The following VPS13B variants were observed in gnomAD, a reference collection of about 807,000 sequenced individuals.
VPS13B encodes vacuolar protein sorting 13 homolog B.
In VPS13B, 285 loss-of-function variants were observed where a neutral mutation model predicts 426.4. That is an observed-to-expected ratio of 0.67 (90% CI 0.61 to 0.74). VPS13B has a LOEUF of 0.74. VPS13B is among the 30% of genes least tolerant of loss of function. The pLI is 0.00. For missense variants in VPS13B, 4,537 were observed against 4,782.6 expected (o/e 0.95, Z 1.51); for synonymous variants, 1,676 against 1,676.4 (o/e 1.00, Z 0.01).
At chr8:99,270,798 G>C (rs927329921) in intron 17 of VPS13B, among the ~76,000 whole-genome samples, 1 of 151,962 alleles carries the variant, frequency 6.6e-6, no homozygotes, top group Admixed American at 6.6e-5. Flanking sequence ...AGAGCCAGGG[G>C]AGGGAAGGCT....
chr8:99,650,354 T>C (rs745461437), intron 34 of VPS13B, among the ~76,000 whole-genome samples: 10 of 152,302 alleles, frequency 6.6e-5, no homozygotes, highest in Middle Eastern at 3.4e-3. Context: ...TCATATACTA[T>C]CAAATCAAGT....
intron 31 of VPS13B, among the ~76,000 whole-genome samples, chr8:99,563,783 T>G (rs1825052902): frequency 6.6e-6 from 1 of 152,176 alleles, no homozygotes; most frequent in Non-Finnish European, 1.5e-5. Context: ...AGAGTGATGA[T>G]TAAGTAGGGC....
intron 55 of VPS13B, among the ~76,000 whole-genome samples, chr8:99,850,017 A>G (rs887018452): frequency 1.8e-5 from 1 of 54,454 alleles, no homozygotes; most frequent in Non-Finnish European, 3.5e-5. Context: ...ACTTATACAT[A>G]CCTACATAAG....
Position 99,695,301 on chromosome 8 carries a change from A to T in VPS13B, c.6047-4224A>T, listed in dbSNP as rs1433052384. ...TAGCAAAGACTTGGAACCAACCCAA[A>T]TGTCCAACAACGATAGACTGGATTA... On this transcript the variant is annotated intron_variant, in intron 35 of 61. Coordinates refer to ENST00000357162, the MANE Select transcript of VPS13B (RefSeq NM_152564.5). 2.6e-4 allele frequency among the ~76,000 whole-genome samples: 38 copies of T among 148,698 alleles called. 1 individual carries two copies.
chr8:99,348,144 TA>T (rs777945257), intron 19 of VPS13B: 4 of 152,270 alleles, frequency 2.6e-5, no homozygotes, highest in Non-Finnish European at 5.9e-5. Flanking sequence ...AATCATTCGT[TA>T]ACACTGTTAA....
At chr8:99,377,180 G>A (rs1259727594) in intron 19 of VPS13B, among the ~76,000 whole-genome samples, 1 of 151,126 alleles carries the variant, frequency 6.6e-6, no homozygotes, top group African/African-American at 2.4e-5. Context: ...ATCCAGTTTA[G>A]GGTTTATTGG....
chr8:99,573,469 T>G (rs994454301), intron 31 of VPS13B, among the ~76,000 whole-genome samples: 1 of 152,210 alleles, frequency 6.6e-6, no homozygotes, highest in African/African-American at 2.4e-5. Flanking sequence ...CTTGAATTAA[T>G]TTTTGTATAA....
Position 99,651,835 on chromosome 8 carries a change from G to A in VPS13B, c.5908+9337G>A, listed in dbSNP as rs538898314. ...AAATGGCTGTGCCATCTGGTCAAATGTGAAGGGATTGAACAGTTCTGAGGG... is the reference window on the plus strand; with the variant it reads ...AAATGGCTGTGCCATCTGGTCAAATATGAAGGGATTGAACAGTTCTGAGGG... On this transcript the variant is annotated intron_variant, in intron 34 of 61. Transcript: ENST00000357162. Among the ~76,000 whole-genome samples, 5 of 152,236 alleles carry A rather than the reference G, an allele frequency of 3.3e-5. No homozygotes were observed. In the East Asian group the frequency reaches 7.7e-4, roughly 23 times the overall value.
chr8:99,373,129 A>G (rs1457388774), intron 19 of VPS13B, among the ~76,000 whole-genome samples: 4 of 152,184 alleles, frequency 2.6e-5, no homozygotes, highest in African/African-American at 7.2e-5. Flanking sequence ...ACACATGGAC[A>G]TGGAGGACAA....
At chr8:99,700,596 C>T (rs1832226396) in intron 36 of VPS13B, among the ~76,000 whole-genome samples, 1 of 152,232 alleles carries the variant, frequency 6.6e-6, no homozygotes, top group Non-Finnish European at 1.5e-5. Flanking sequence ...CCTAGCCTAG[C>T]AAAGTGGGGT....
rs1297641779 is a variant in VPS13B at position 99,817,712 on chromosome 8, C to T, written c.8270C>T (p.Thr2757Met). The T allele has an allele frequency of 8.7e-6, 14 of 1,614,014 alleles. No homozygotes were observed. The East Asian group carries it at 1.1e-4, about 13-fold the overall frequency. Residue 2757 changes from threonine (T) to methionine (M), a missense_variant, in exon 45 of 62, where the codon ACG (threonine) becomes ATG (methionine). Thr to Met is a moderately conservative substitution (Grantham distance 81, BLOSUM62 -1). Transcript: ENST00000357162. The part of the protein sequence containing the change: ...PSYILENNEL[T>M]ELCVKAKGDE... ...TACATACTAGAAAACAATGAACTGACGGAGCTGTGTGTGAAGGCCAAAGGA... is the reference window on the plus strand; with the variant it reads ...TACATACTAGAAAACAATGAACTGATGGAGCTGTGTGTGAAGGCCAAAGGA...
At chr8:99,189,351 A>C (rs1013120968) in intron 16 of VPS13B, among the ~76,000 whole-genome samples, 1 of 152,184 alleles carries the variant, frequency 6.6e-6, no homozygotes, top group Non-Finnish European at 1.5e-5. Context: ...AAGTCTGGGA[A>C]ATTCTGGAGA....
chr8:99,051,931 A>C (rs935510405), intron 3 of VPS13B, among the ~76,000 whole-genome samples: 9 of 152,072 alleles, frequency 5.9e-5, no homozygotes, highest in African/African-American at 1.9e-4. Flanking sequence ...AGATTTTGGG[A>C]TGAGATGATG....
At chr8:99,706,541 T>G (rs1832506599) in intron 36 of VPS13B, among the ~76,000 whole-genome samples, 1 of 152,170 alleles carries the variant, frequency 6.6e-6, no homozygotes, top group Non-Finnish European at 1.5e-5. Flanking sequence ...CATTATAGTC[T>G]TCCATGTAAA....
At chr8:99,455,827 T>A (rs1312077063) in intron 23 of VPS13B, among the ~76,000 whole-genome samples, 1 of 152,210 alleles carries the variant, frequency 6.6e-6, no homozygotes, top group African/African-American at 2.4e-5. Context: ...CTGAGGAGCA[T>A]TCCATTGTAT....
rs149609651 is a variant in VPS13B at position 99,247,774 on chromosome 8, T to A, written c.2516-26424T>A. On this transcript the variant is annotated intron_variant, in intron 17 of 61. Coordinates refer to ENST00000357162, the MANE Select transcript of VPS13B (RefSeq NM_152564.5). ...CTATATTCATTTAGAAAGATCACTA[T>A]CTTAAATTTTTTTTTCATTTCACTT... Among the ~76,000 whole-genome samples the A allele has an allele frequency of 3.6e-4, 55 of 152,364 alleles. No individual in the cohort carries two copies. The East Asian group carries it at 0.01, about 29-fold the overall frequency.
chr8:99,593,514 C>G (rs1171494763), intron 33 of VPS13B, among the ~76,000 whole-genome samples: 1 of 152,018 alleles, frequency 6.6e-6, no homozygotes. Flanking sequence ...CTTCAAAGAC[C>G]TAGAGGCAGA....
intron 5 of VPS13B, among the ~76,000 whole-genome samples, chr8:99,109,820 T>G (rs1386585299): frequency 6.6e-6 from 1 of 152,198 alleles, no homozygotes; most frequent in South Asian, 2.1e-4. Context: ...GTTTTCACAT[T>G]TTTTAACAGG....
At chr8:99,329,666 C>A (rs1280932656) in intron 19 of VPS13B, among the ~76,000 whole-genome samples, 2 of 152,050 alleles carry the variant, frequency 1.3e-5, no homozygotes, top group African/African-American at 4.8e-5. Flanking sequence ...TAAACATAAC[C>A]ACTAAGCATT....
Sources: allele counts gnomAD v4.1 joint callset (sites outside exome capture counted in the v4.1 genomes callset), GRCh38; gene constraint gnomAD v4.1.1; transcripts MANE v1.5; gene names NCBI Gene and HGNC (gene_info 2026-07-23, HGNC 2026-07-21).